MARCHF1: variants seen among roughly 807,000 people sequenced by gnomAD.
The protein encoded by MARCHF1 is membrane associated ring-CH-type finger 1, also known as E3 ubiquitin-protein ligase MARCHF1.
MARCHF1 carries 40 observed loss-of-function variants against 54.2 expected under a neutral mutation model. That is an observed-to-expected ratio of 0.74 (90% CI 0.57 to 0.96). MARCHF1 has a LOEUF of 0.96. Among genes scored for constraint, MARCHF1 ranks in the 40% least tolerant of loss-of-function variants. The pLI is 0.00. For synonymous variants in MARCHF1, 236 were observed against 236.3 expected (o/e 1.00, Z 0.01); for missense variants, 586 against 656.5 (o/e 0.89, Z 1.17).
chr4:164,276,074 A>G (rs1560984263), intron 1 of MARCHF1, among the ~76,000 whole-genome samples: 1 of 152,090 alleles, frequency 6.6e-6, no homozygotes, highest in Non-Finnish European at 1.5e-5. Context: ...TTCTTTTCAT[A>G]TTTTTGAAAA....
At chr4:163,886,105 AAGT>A (rs1750525477) in intron 3 of MARCHF1, among the ~76,000 whole-genome samples, 1 of 149,168 alleles carries the variant, frequency 6.7e-6, no homozygotes, top group African/African-American at 2.4e-5. Context: ...TACTAAATTG[AAGT>A]AATTGGATAT....
At chr4:163,581,172 A>G (rs1288568943) in intron 8 of MARCHF1, among the ~76,000 whole-genome samples, 1 of 152,236 alleles carries the variant, frequency 6.6e-6, no homozygotes, top group Non-Finnish European at 1.5e-5. Context: ...CAGTGCAATG[A>G]GCACATGCTT....
intron 5 of MARCHF1, among the ~76,000 whole-genome samples, chr4:163,623,231 C>T (rs550744137): frequency 6.6e-6 from 1 of 152,228 alleles, no homozygotes; most frequent in South Asian, 2.1e-4. Context: ...GGACCATCTC[C>T]CTGGGTAATG....
At chr4:163,935,685 G>A (rs1006349899) in intron 3 of MARCHF1, among the ~76,000 whole-genome samples, 1 of 145,620 alleles carries the variant, frequency 6.9e-6, no homozygotes, top group African/African-American at 2.6e-5. Flanking sequence ...CAACAACAAG[G>A]CTGTTTTGCT....
chr4:164,290,476 T>C (rs1209964830), intron 1 of MARCHF1, among the ~76,000 whole-genome samples: 1 of 151,926 alleles, frequency 6.6e-6, no homozygotes, highest in Non-Finnish European at 1.5e-5. Context: ...ATGCCCTCCA[T>C]TTCACAACTT....
chr4:164,278,927 C>T (rs1733953717), intron 1 of MARCHF1, among the ~76,000 whole-genome samples: 1 of 152,072 alleles, frequency 6.6e-6, no homozygotes, highest in Non-Finnish European at 1.5e-5. Context: ...ATACTATGTA[C>T]ATATTTACCA....
chr4:164,213,705 C>G (rs956691453), intron 1 of MARCHF1, among the ~76,000 whole-genome samples: 2 of 151,780 alleles, frequency 1.3e-5, no homozygotes, highest in African/African-American at 4.8e-5. Context: ...ATGAGATGTC[C>G]TTTAGATGAC....
intron 2 of MARCHF1, among the ~76,000 whole-genome samples, chr4:164,051,505 T>C (rs549913669): frequency 3.9e-5 from 6 of 152,314 alleles, no homozygotes; most frequent in South Asian, 2.1e-4. Flanking sequence ...TGCTTTTCTA[T>C]CTTTTCTAAA....
chr4:163,818,959 C>T (rs1011335814), intron 4 of MARCHF1, among the ~76,000 whole-genome samples: 16 of 152,112 alleles, frequency 1.1e-4, no homozygotes, highest in African/African-American at 3.9e-4. Context: ...GATTCTGGCA[C>T]CAGGCTCACG....
At chr4:164,341,379 A>G (rs1193324549) in intron 1 of MARCHF1, among the ~76,000 whole-genome samples, 4 of 152,204 alleles carry the variant, frequency 2.6e-5, no homozygotes, top group African/African-American at 9.7e-5. Context: ...CTTCTATTCA[A>G]CATGGCACTA....
chr4:163,828,681 G>T (rs1181235206), intron 4 of MARCHF1: 1 of 152,094 alleles, frequency 6.6e-6, no homozygotes, highest in Non-Finnish European at 1.5e-5. Flanking sequence ...AGGAAAAATT[G>T]TTGGTTGGCA....
At chr4:163,685,370 CA>C (rs1015962257) in intron 5 of MARCHF1, among the ~76,000 whole-genome samples, 11 of 152,086 alleles carry the variant, frequency 7.2e-5, no homozygotes, top group African/African-American at 2.7e-4. Context: ...TCAAGAAACC[CA>C]AATAGTTTAC....
chr4:164,042,941 G>A (rs1754160137), intron 2 of MARCHF1, among the ~76,000 whole-genome samples: 1 of 152,186 alleles, frequency 6.6e-6, no homozygotes, highest in Admixed American at 6.5e-5. Context: ...AATCTCGACT[G>A]TATTTCTCAC....
At chr4:163,993,621 A>T (rs1753008581) in intron 2 of MARCHF1, among the ~76,000 whole-genome samples, 1 of 152,152 alleles carries the variant, frequency 6.6e-6, no homozygotes, top group East Asian at 1.9e-4. Flanking sequence ...TGTGATAATT[A>T]CAGCATGCCC....
chr4:163,735,095 G>A (rs968185543), intron 4 of MARCHF1, among the ~76,000 whole-genome samples: 5 of 151,886 alleles, frequency 3.3e-5, no homozygotes, highest in Admixed American at 1.3e-4. Context: ...CCTTCCCTAC[G>A]GATATTTACA....
intron 1 of MARCHF1, among the ~76,000 whole-genome samples, chr4:164,313,179 A>C (rs1461286894): frequency 8.3e-6 from 1 of 120,194 alleles, no homozygotes; most frequent in East Asian, 2.4e-4. Flanking sequence ...TCTACTAAAA[A>C]TACAAAAAAA....
At chr4:163,749,295 T>C (rs1434638183) in intron 4 of MARCHF1, among the ~76,000 whole-genome samples, 1 of 152,132 alleles carries the variant, frequency 6.6e-6, no homozygotes, top group Non-Finnish European at 1.5e-5. Context: ...AGTATTGCTT[T>C]TTTTTTCTGT....
chr4:163,912,826 A>C lies in MARCHF1; in HGVS notation c.-38-58657T>G, dbSNP rs530849014. On this transcript the variant is annotated intron_variant, in intron 3 of 9. Coordinates refer to ENST00000514618, the MANE Select transcript of MARCHF1 (RefSeq NM_001394959.1). ...CAAAATGTATTTCTGCAGGAATAAC[A>C]GAAAATTATTTAGGAAGTTACTACG... Among the ~76,000 whole-genome samples the C allele has an allele frequency of 3.3e-5, 5 of 152,362 alleles. No individual in the cohort carries two copies. The South Asian group carries it at 1.0e-3, about 32-fold the overall frequency.
intron 4 of MARCHF1, among the ~76,000 whole-genome samples, chr4:163,714,950 G>A (rs1216497349): frequency 1.3e-5 from 2 of 152,140 alleles, no homozygotes; most frequent in African/African-American, 2.4e-5. Flanking sequence ...CCAAAGTGCT[G>A]AGATTATAGG....
Sources: gnomAD v4.1 joint callset for allele counts (sites outside exome capture counted in the v4.1 genomes callset) on GRCh38, gnomAD v4.1.1 for gene constraint, MANE v1.5 for transcripts, NCBI Gene and HGNC (gene_info 2026-07-23, HGNC 2026-07-21) for gene names.